The following FARP1 variants were observed in gnomAD, a reference collection of about 807,000 sequenced individuals.
The protein encoded by FARP1 is FERM, ARHGEF and pleckstrin domain-containing protein 1.
A neutral mutation model predicts 128.8 loss-of-function variants in FARP1; 52 were observed. The ratio of observed to expected loss-of-function variants is 0.40; its 90% CI spans 0.32 to 0.51. The LOEUF is 0.51. Ranked by LOEUF, FARP1 falls within the 20% of genes least tolerant of loss-of-function variation. The probability of loss-of-function intolerance (pLI) is 0.45; values close to 1 mark genes in which losing one functional copy is unlikely to be tolerated. For missense variants in FARP1, 1,333 were observed against 1,367.9 expected, an observed-to-expected ratio of 0.97 and a Z score of 0.40; for synonymous variants, 580 against 551.8, an observed-to-expected ratio of 1.05 and a Z score of -0.72.
At chr13:98,199,689 T>C (rs1206756034) in intron 1 of FARP1, among the ~76,000 whole-genome samples, 5 of 152,180 alleles carry the variant, frequency 3.3e-5, no homozygotes, top group African/African-American at 1.2e-4. Context: ...TGGAAGAGAA[T>C]GATGTGTGTT....
chr13:98,260,909 G>A (rs960496046), intron 2 of FARP1, among the ~76,000 whole-genome samples: 3 of 152,186 alleles, frequency 2.0e-5, no homozygotes, highest in Non-Finnish European at 4.4e-5. Context: ...AGAGAGTCAG[G>A]GCCTTCAGTG....
intron 5 of FARP1, among the ~76,000 whole-genome samples, chr13:98,369,451 G>A (rs1339835865): frequency 1.3e-5 from 2 of 150,666 alleles, no homozygotes; most frequent in East Asian, 2.0e-4. Flanking sequence ...TGCCATGCTG[G>A]TGTGCTGCAC....
chr13:98,198,770 A>G, intron 1 of FARP1, among the ~76,000 whole-genome samples: 1 of 151,142 alleles, frequency 6.6e-6, no homozygotes, highest in Non-Finnish European at 1.5e-5. Flanking sequence ...CCCAGGTACT[A>G]AGGAGGCCAA....
intron 1 of FARP1, among the ~76,000 whole-genome samples, chr13:98,178,592 C>T (rs1737745826): frequency 6.6e-6 from 1 of 152,104 alleles, no homozygotes; most frequent in Non-Finnish European, 1.5e-5. Context: ...CTTATTTAGC[C>T]AGTGCATGTC....
intron 2 of FARP1, among the ~76,000 whole-genome samples, chr13:98,264,917 G>T (rs929941058): frequency 3.9e-5 from 6 of 152,154 alleles, no homozygotes; most frequent in African/African-American, 1.4e-4. Flanking sequence ...CATTTGGGAA[G>T]TCCACGCCAC....
chr13:98,158,576 T>C (rs1876652352), intron 1 of FARP1, among the ~76,000 whole-genome samples: 1 of 152,184 alleles, frequency 6.6e-6, no homozygotes, highest in East Asian at 1.9e-4. Flanking sequence ...GGAGGTAGAA[T>C]AGCATAAGCA....
chr13:98,236,685 A>C (rs1882439510), intron 2 of FARP1, among the ~76,000 whole-genome samples: 1 of 152,212 alleles, frequency 6.6e-6, no homozygotes, highest in Admixed American at 6.5e-5. Context: ...ATGAACACAG[A>C]TCTATTACAG....
rs771752679 is a variant in FARP1 at position 98,350,982 on chromosome 13, ACCCTGCCCAGCCTCGCCTC to A, written c.276+7196_276+7214del. On this transcript the variant is annotated intron_variant, in intron 3 of 26. Coordinates refer to ENST00000319562, the MANE Select transcript of FARP1 (RefSeq NM_005766.4). ...AGATGAGCCAGTGCTAAACCTGCTT[ACCCTGCCCAGCCTCGCCTC>A]CCCTGCCCAGCCTCGCCTCCCCTGC... 7.6e-3 allele frequency among the ~76,000 whole-genome samples: 866 copies of A among 113,920 alleles called. 72 individuals carry two copies. Among genetic ancestry groups the A allele is most frequent in the African/African-American group, 0.019 (581 of 30,890 alleles). The allele number at this position is 113,920 out of a possible 152,430, so 74.7% of individuals were successfully genotyped here.
intron 18 of FARP1, chr13:98,434,459 C>T (rs1892173047): frequency 1.3e-5 from 2 of 152,234 alleles, no homozygotes; most frequent in African/African-American, 4.8e-5. Flanking sequence ...TCCCTTCCAA[C>T]ACTGAAATGC....
intron 3 of FARP1, among the ~76,000 whole-genome samples, chr13:98,350,730 G>T (rs1888382619): frequency 6.6e-6 from 1 of 152,064 alleles, no homozygotes. Flanking sequence ...TGACACCTGA[G>T]GCCTTGTTGA....
intron 2 of FARP1, among the ~76,000 whole-genome samples, chr13:98,339,738 T>G (rs1413116052): frequency 6.6e-6 from 1 of 151,902 alleles, no homozygotes; most frequent in Non-Finnish European, 1.5e-5. Context: ...GAAAAGTCAT[T>G]TTCTATAAAC....
chr13:98,287,208 CTTTTTTT>C (rs71111939), intron 2 of FARP1, among the ~76,000 whole-genome samples: 4 of 75,840 alleles, frequency 5.3e-5, no homozygotes, highest in Admixed American at 3.2e-4. Flanking sequence ...TCAGACATGT[CTTTTTTT>C]TTTTTTTTTT....
At chr13:98,328,493 G>A (rs951054951) in intron 2 of FARP1, 5 of 152,212 alleles carry the variant, frequency 3.3e-5, no homozygotes, top group African/African-American at 9.7e-5. Context: ...AGCTTGAGGT[G>A]CGATGGCGAA....
At chr13:98,307,590 G>A (rs933443615) in intron 2 of FARP1, among the ~76,000 whole-genome samples, 8 of 152,200 alleles carry the variant, frequency 5.3e-5, no homozygotes, top group East Asian at 1.9e-4. Flanking sequence ...CGTTCATGTC[G>A]GTGCCTCTTC....
At chr13:98,165,214 C>CAAA (rs34285712) in intron 1 of FARP1, among the ~76,000 whole-genome samples, 21,777 of 83,900 alleles carry the variant, frequency 0.26, 3,894 homozygotes, top group East Asian at 0.5. Flanking sequence ...GACTCTGTCT[C>CAAA]AAAAAAAAAA....
At chr13:98,246,462 T>TA (rs944409023) in intron 2 of FARP1, among the ~76,000 whole-genome samples, 40 of 151,504 alleles carry the variant, frequency 2.6e-4, no homozygotes, top group African/African-American at 9.0e-4. Flanking sequence ...TCTTGTAACT[T>TA]AAAAAAAAAT....
At chr13:98,314,241 C>T (rs565495383) in intron 2 of FARP1, among the ~76,000 whole-genome samples, 2 of 143,664 alleles carry the variant, frequency 1.4e-5, no homozygotes, top group African/African-American at 5.3e-5. Flanking sequence ...ACCTGGCATT[C>T]TGCTGGTTAG....
Position 98,388,418 on chromosome 13 carries a change from G to T in FARP1, c.795G>T (p.Lys265Asn), listed in dbSNP as rs1890180272. The T allele has an allele frequency of 2.5e-6, 4 of 1,614,130 alleles. No homozygotes were observed. In the South Asian group the frequency reaches 3.3e-5, roughly 13 times the overall value. ...AGATCAATGCCTTCAACTGGGCCAA[G>T]GTGCGGAAGCTGAGCTTCAAGAGGA... ...FTKINAFNWAKVRKLSFKRKR... is the reference protein window; with the variant it reads ...FTKINAFNWANVRKLSFKRKR... Residue 265 changes from lysine to asparagine, a missense_variant, in exon 9 of 27, where the codon AAG becomes AAT. Physicochemically the swap from Lys to Asn is moderately conservative, Grantham distance 94. This residue lies in a region of FARP1 where 324 missense variants were observed against 398.1 expected (regional missense o/e 0.81). Transcript: ENST00000319562.
intron 6 of FARP1, chr13:98,384,054 T>C (rs750654931): frequency 6.6e-6 from 1 of 152,166 alleles, no homozygotes; most frequent in Non-Finnish European, 1.5e-5. Context: ...CCTGAAGTTT[T>C]AGGGCTTTTT....
Sources: gnomAD v4.1 joint callset for allele counts (sites outside exome capture counted in the v4.1 genomes callset) on GRCh38, gnomAD v4.1.1 for gene constraint, gnomAD v4.1.1 regional missense constraint, MANE v1.5 for transcripts, NCBI Gene and HGNC (gene_info 2026-07-23, HGNC 2026-07-21) for gene names.